The following HIPK3 variants were observed in gnomAD, a reference collection of about 807,000 sequenced individuals.
HIPK3 encodes the protein homeodomain-interacting protein kinase 3.
In HIPK3, 47 loss-of-function variants were observed where a neutral mutation model predicts 124.2. That is an observed-to-expected ratio of 0.38 (90% CI 0.30 to 0.48). The LOEUF (loss-of-function observed/expected upper bound fraction) is 0.48. HIPK3 is among the 20% of genes least tolerant of loss of function. The pLI is 0.98. For missense variants in HIPK3, 1,286 were observed against 1,454.3 expected, an observed-to-expected ratio of 0.88 and a Z score of 1.88; for synonymous variants, 482 against 515.2, an observed-to-expected ratio of 0.94 and a Z score of 0.87.
At chr11:33,328,487 T>C (rs1283793960) in intron 2 of HIPK3, 23 bp from the exon 3 acceptor site, 1 of 1,605,606 alleles carries the variant, frequency 6.2e-7, no homozygotes, top group Admixed American at 1.7e-5. Context: ...CACCCTGATT[T>C]TTGTTTTAAT....
intron 1 of HIPK3, among the ~76,000 whole-genome samples, chr11:33,282,095 A>G (rs1565061104): frequency 6.6e-6 from 1 of 152,158 alleles, no homozygotes; most frequent in Non-Finnish European, 1.5e-5. Flanking sequence ...TTTAAAATTT[A>G]TCTGTTGGCC....
At chr11:33,270,606 A>G (rs1270663820) in intron 1 of HIPK3, among the ~76,000 whole-genome samples, 1 of 152,250 alleles carries the variant, frequency 6.6e-6, no homozygotes, top group Non-Finnish European at 1.5e-5. Flanking sequence ...AAAGCAGTCC[A>G]GCAAATTATG....
chr11:33,331,348 C>T (rs181066783), intron 3 of HIPK3, among the ~76,000 whole-genome samples: 1 of 152,236 alleles, frequency 6.6e-6, no homozygotes, highest in African/African-American at 2.4e-5. Flanking sequence ...AATCAGCTGC[C>T]TAGATATACT....
intron 16 of HIPK3, 25 bp from the exon 17 acceptor site, chr11:33,353,067 A>ATTTTTTTTTTTTTTTTTTTTTTTTTTTTT: frequency 9.6e-7 from 1 of 1,041,674 alleles, no homozygotes; most frequent in Non-Finnish European, 1.4e-6. Flanking sequence ...TTATTCAGTC[A>ATTTTTTTTTTTTTTTTTTTTTTTTTTTTT]TTTTTTTTTT....
chr11:33,297,053 T>TA lies in HIPK3; in HGVS notation c.1097+9548dup, dbSNP rs908942767. 7.3e-5 allele frequency among the ~76,000 whole-genome samples: 11 copies of TA among 151,100 alleles called. 1 individual carries two copies. The highest frequency in any genetic ancestry group is 2.7e-4 in the African/African-American group (11 of 41,196). On this transcript the variant is annotated intron_variant, in intron 2 of 16. Transcript: ENST00000303296. ...TGCTACTCCAGTGAGTAGTAAATGG[T>TA]AAAAAAGCAAAACAGTGTTATTGCT...
At chr11:33,309,912 G>C (rs1023652766) in intron 2 of HIPK3, among the ~76,000 whole-genome samples, 1 of 152,272 alleles carries the variant, frequency 6.6e-6, no homozygotes, top group East Asian at 1.9e-4. Context: ...GTCAAGTTAT[G>C]AGTAGCCATT....
intron 3 of HIPK3, among the ~76,000 whole-genome samples, chr11:33,334,357 G>A (rs1441373179): frequency 6.6e-6 from 1 of 152,122 alleles, no homozygotes; most frequent in African/African-American, 2.4e-5. Flanking sequence ...TGTGGATTTG[G>A]TGAAAGGGGG....
intron 2 of HIPK3, among the ~76,000 whole-genome samples, chr11:33,307,757 T>G (rs566402500): frequency 3.4e-4 from 50 of 147,484 alleles, no homozygotes; most frequent in South Asian, 2.6e-3. Context: ...TTCTTGTTGG[T>G]GTGTGTGTGT....
chr11:33,328,646 G>A lies in HIPK3; in HGVS notation c.1221+13G>A. The A allele has an allele frequency of 1.9e-6, 3 of 1,611,180 alleles. No individual in the cohort carries two copies. Among genetic ancestry groups the A allele is most frequent in the Non-Finnish European group, 2.5e-6 (3 of 1,177,932 alleles). On this transcript the variant is annotated intron_variant, in intron 3 of 16. Coordinates refer to ENST00000303296, the MANE Select transcript of HIPK3 (RefSeq NM_005734.5). ...GGAGTATGATCAGGTAACAAATAAT[G>A]ATAATCTAATAGAATTGGTAAAAAG...
chr11:33,326,314 T>C (rs954192100), intron 2 of HIPK3, among the ~76,000 whole-genome samples: 1 of 152,154 alleles, frequency 6.6e-6, no homozygotes, highest in Non-Finnish European at 1.5e-5. Flanking sequence ...GACCAAATAA[T>C]TGTAATGTGT....
intron 2 of HIPK3, among the ~76,000 whole-genome samples, chr11:33,321,347 G>A (rs1852657710): frequency 6.6e-6 from 1 of 152,180 alleles, no homozygotes; most frequent in Admixed American, 6.5e-5. Flanking sequence ...TTTCAAGAAG[G>A]ATTGGTGTAA....
chr11:33,289,185 C>A (rs757979983), intron 2 of HIPK3, among the ~76,000 whole-genome samples: 1 of 152,200 alleles, frequency 6.6e-6, no homozygotes, highest in East Asian at 1.9e-4. Context: ...GTGGCTGACA[C>A]CTGCAATCCC....
intron 14 of HIPK3, 31 bp downstream of exon 14, chr11:33,349,318 A>G: frequency 6.4e-7 from 1 of 1,563,564 alleles, no homozygotes; most frequent in South Asian, 1.2e-5. Flanking sequence ...GTGTGTAATA[A>G]ATAGTAAGTC....
chr11:33,333,028 G>A (rs1853034505), intron 3 of HIPK3, among the ~76,000 whole-genome samples: 1 of 152,042 alleles, frequency 6.6e-6, no homozygotes, highest in African/African-American at 2.4e-5. Context: ...ACTCACTGTT[G>A]GGGGGACAGC....
At position 33,340,885 on chromosome 11, in the gene HIPK3, A is replaced by AT. The variant is rs1046329710; in HGVS notation, c.1614-76dup. ...TTAGGATTTTTTTCTTTTAGGAATA[A>AT]TTTTTTTATTTTGTCAATGTACCTC... On this transcript the variant is annotated intron_variant, in intron 6 of 16. Coordinates refer to ENST00000303296, the MANE Select transcript of HIPK3 (RefSeq NM_005734.5). 51 of 793,590 alleles carry AT rather than the reference A, an allele frequency of 6.4e-5. No homozygotes were observed. The African/African-American group carries it at 8.0e-4, about 12-fold the overall frequency. 49.2% of individuals were successfully genotyped at this position (793,590 alleles called of 1,614,324 possible).
chr11:33,301,293 T>C (rs1201906102), intron 2 of HIPK3, among the ~76,000 whole-genome samples: 1 of 152,184 alleles, frequency 6.6e-6, no homozygotes, highest in Non-Finnish European at 1.5e-5. Flanking sequence ...ACTTGGAGTA[T>C]GTAGTCAAAA....
intron 14 of HIPK3, 35 bp from the exon 15 acceptor site, chr11:33,351,560 TAATGTTGGAAAAA>T: frequency 2.2e-6 from 3 of 1,338,302 alleles, no homozygotes; most frequent in Non-Finnish European, 3.2e-6. Context: ...ACATTAGATT[TAATGTTGGAAAAA>T]AATATCACTC....
intron 2 of HIPK3, among the ~76,000 whole-genome samples, chr11:33,310,270 G>GTCTGTCTA (rs1230848646): frequency 1.0e-5 from 1 of 97,094 alleles, no homozygotes; most frequent in East Asian, 3.3e-4. Flanking sequence ...CTGTCTGTCT[G>GTCTGTCTA]TCTGTCTATC....
chr11:33,293,094 A>G (rs570572473), intron 2 of HIPK3, among the ~76,000 whole-genome samples: 3 of 152,350 alleles, frequency 2.0e-5, no homozygotes, highest in East Asian at 1.9e-4. Context: ...ACTTTACTAC[A>G]TAAAGGACTT....
Sources: allele counts gnomAD v4.1 joint callset (sites outside exome capture counted in the v4.1 genomes callset), GRCh38; gene constraint gnomAD v4.1.1; transcripts MANE v1.5; gene names NCBI Gene and HGNC (gene_info 2026-07-23, HGNC 2026-07-21).